Variants in CSMD1 observed in about 807,000 individuals in gnomAD.
CSMD1 encodes CUB and Sushi multiple domains 1.
A neutral mutation model predicts 417.5 loss-of-function variants in CSMD1; 213 were observed. That is an observed-to-expected ratio of 0.51 (90% confidence interval 0.46 to 0.57). The LOEUF (loss-of-function observed/expected upper bound fraction) is 0.57. Among genes scored for constraint, CSMD1 ranks in the 20% least tolerant of loss-of-function variants. CSMD1 has a pLI of 0.00. For missense variants in CSMD1, 6,923 were observed against 4,529.7 expected, an observed-to-expected ratio of 1.53 and a Z score of -15.17; for synonymous variants, 2,862 against 1,736.8, an observed-to-expected ratio of 1.65 and a Z score of -16.11.
chr8:4,487,476 C>T (rs1801476533), intron 2 of CSMD1, among the ~76,000 whole-genome samples: 1 of 152,132 alleles, frequency 6.6e-6, no homozygotes, highest in Non-Finnish European at 1.5e-5. Context: ...TCATCCATGT[C>T]CCTACAAAGG....
chr8:3,349,937 A>G (rs1224043313), intron 21 of CSMD1, among the ~76,000 whole-genome samples: 1 of 144,920 alleles, frequency 6.9e-6, no homozygotes, highest in Non-Finnish European at 1.5e-5. Context: ...TATATATAAT[A>G]TATATTATAT....
At chr8:4,473,563 A>G (rs1800646447) in intron 2 of CSMD1, among the ~76,000 whole-genome samples, 1 of 152,290 alleles carries the variant, frequency 6.6e-6, no homozygotes, top group South Asian at 2.1e-4. Context: ...CTGCCTCTCC[A>G]TATCAATAGT....
intron 2 of CSMD1, among the ~76,000 whole-genome samples, chr8:4,438,969 C>A (rs552017762): frequency 6.6e-6 from 1 of 152,098 alleles, no homozygotes; most frequent in African/African-American, 2.4e-5. Context: ...AAGTCATGAG[C>A]GCTTCATCAG....
chr8:3,776,159 C>T (rs147357500), intron 5 of CSMD1, among the ~76,000 whole-genome samples: 5 of 152,140 alleles, frequency 3.3e-5, no homozygotes, highest in Admixed American at 6.5e-5. Context: ...GCACATCATA[C>T]GGATCCTACC....
chr8:4,640,691 C>T (rs1803132229), intron 1 of CSMD1, among the ~76,000 whole-genome samples: 1 of 152,068 alleles, frequency 6.6e-6, no homozygotes, highest in African/African-American at 2.4e-5. Flanking sequence ...CTTTTAAATG[C>T]TGCAAACATA....
At chr8:3,367,718 G>A (rs1218027175) in intron 19 of CSMD1, among the ~76,000 whole-genome samples, 6 of 151,976 alleles carry the variant, frequency 3.9e-5, no homozygotes. Context: ...GATATGATGT[G>A]GACATCAATA....
chr8:3,802,687 C>T (rs543199545), intron 5 of CSMD1, among the ~76,000 whole-genome samples: 50 of 152,208 alleles, frequency 3.3e-4, no homozygotes, highest in Middle Eastern at 3.4e-3. Flanking sequence ...CACTTCAAAA[C>T]GCAATAAAAT....
At chr8:4,360,679 GAC>G (rs1563093069) in intron 3 of CSMD1, among the ~76,000 whole-genome samples, 1 of 151,720 alleles carries the variant, frequency 6.6e-6, no homozygotes, top group African/African-American at 2.4e-5. Context: ...TTTTTTAGTG[GAC>G]ACAGGGTTTC....
intron 23 of CSMD1, among the ~76,000 whole-genome samples, chr8:3,337,125 CAAG>C (rs376945787): frequency 6.6e-5 from 10 of 152,148 alleles, no homozygotes; most frequent in African/African-American, 1.9e-4. Flanking sequence ...CTGGGCATGA[CAAG>C]AAGAAGACTG....
At chr8:3,184,704 C>T (rs1050534088) in intron 36 of CSMD1, among the ~76,000 whole-genome samples, 2 of 152,216 alleles carry the variant, frequency 1.3e-5, no homozygotes, top group African/African-American at 2.4e-5. Context: ...GCTTTCAGGA[C>T]TCATCCTATG....
At chr8:3,661,572 C>T (rs550849919) in intron 7 of CSMD1, among the ~76,000 whole-genome samples, 32 of 151,722 alleles carry the variant, frequency 2.1e-4, no homozygotes, top group African/African-American at 7.2e-4. Flanking sequence ...TCTCGGCTCA[C>T]GGAAACCTCC....
In CSMD1 at chr8:2,963,529, G is replaced by T. The variant is rs7844532; in HGVS notation, c.9281-134C>A. 1.3e-3 allele frequency: 1,071 copies of T among 842,706 alleles called. 9 individuals carry two copies. In the African/African-American group the frequency reaches 0.016, roughly 13 times the overall value. The allele number at this position is 842,706 out of a possible 1,614,324, so 52.2% of individuals were successfully genotyped here. A position where few individuals can be genotyped will look rare whatever the true frequency, so the allele number is the denominator to read the frequency against. On this transcript the variant is annotated intron_variant, in intron 59 of 69. Transcript: ENST00000635120. ...AGGTTTTTAAAAAAAAATAATAAAA[G>T]AATTGCCAAGGAAGACAGTACATCA...
chr8:3,098,373 C>T (rs767304632), intron 46 of CSMD1, among the ~76,000 whole-genome samples: 1 of 152,150 alleles, frequency 6.6e-6, no homozygotes. Context: ...CAAGTAACTG[C>T]CTTTTGAAAA....
intron 2 of CSMD1, among the ~76,000 whole-genome samples, chr8:4,544,686 G>C (rs1288697435): frequency 1.3e-5 from 2 of 152,314 alleles, no homozygotes; most frequent in Non-Finnish European, 1.5e-5. Context: ...TTAAGCCAGG[G>C]TGTATTACAA....
chr8:4,968,418 A>G (rs1456488035), intron 1 of CSMD1, among the ~76,000 whole-genome samples: 1 of 152,132 alleles, frequency 6.6e-6, no homozygotes, highest in African/African-American at 2.4e-5. Context: ...ATAACACCCA[A>G]GCCCCTGGTA....
chr8:3,823,442 A>G (rs1198903100), intron 5 of CSMD1, among the ~76,000 whole-genome samples: 1 of 152,210 alleles, frequency 6.6e-6, no homozygotes, highest in Non-Finnish European at 1.5e-5. Context: ...TAGGAAAGGA[A>G]GTATAAAACG....
intron 2 of CSMD1, among the ~76,000 whole-genome samples, chr8:4,473,575 G>C (rs181235941): frequency 1.3e-5 from 2 of 152,144 alleles, no homozygotes; most frequent in East Asian, 1.9e-4. Context: ...ATCAATAGTA[G>C]TTATGCACAA....
intron 26 of CSMD1, among the ~76,000 whole-genome samples, chr8:3,269,518 T>A (rs1245714536): frequency 1.3e-5 from 2 of 152,210 alleles, no homozygotes; most frequent in Non-Finnish European, 2.9e-5. Flanking sequence ...TTAAGTTATC[T>A]TTCAATAAAG....
At chr8:4,704,777 G>T (rs1410355170) in intron 1 of CSMD1, among the ~76,000 whole-genome samples, 1 of 152,184 alleles carries the variant, frequency 6.6e-6, no homozygotes, top group Non-Finnish European at 1.5e-5. Flanking sequence ...AGGAGAAAGG[G>T]AGTGGCAGTT....
Sources: allele counts gnomAD v4.1 joint callset (sites outside exome capture counted in the v4.1 genomes callset), GRCh38; gene constraint gnomAD v4.1.1; transcripts MANE v1.5; gene names NCBI Gene and HGNC (gene_info 2026-07-23, HGNC 2026-07-21).